The following SH2B1 variants were observed in gnomAD, a reference collection of about 807,000 sequenced individuals.
The protein encoded by SH2B1 is SH2B adaptor protein 1.
SH2B1 carries 15 observed loss-of-function variants against 62.6 expected under a neutral mutation model. That is an observed-to-expected ratio of 0.24 (90% confidence interval 0.16 to 0.37). The LOEUF (loss-of-function observed/expected upper bound fraction) is 0.37, where lower values mean the gene tolerates loss of function less well. Among genes scored for constraint, SH2B1 ranks in the 10% least tolerant of loss-of-function variants. SH2B1 has a pLI of 1.00. For missense variants in SH2B1, 925 were observed against 1,015.6 expected (o/e 0.91, Z 1.21); for synonymous variants, 443 against 438.0 (o/e 1.01, Z -0.14).
At chr16:28,847,751 C>T (rs967862679) in intron 1 of SH2B1, among the ~76,000 whole-genome samples, 20 of 149,926 alleles carry the variant, frequency 1.3e-4, no homozygotes, top group African/African-American at 4.9e-4. Context: ...CTCAGGAGTT[C>T]AAGGCTGTGG....
intron 2 of SH2B1, among the ~76,000 whole-genome samples, chr16:28,867,780 C>T (rs1218351241): frequency 1.3e-5 from 2 of 152,040 alleles, no homozygotes; most frequent in Non-Finnish European, 2.9e-5. Context: ...TGCCTCAGCC[C>T]TCTAAGGAGC....
rs1032934324 is a variant in SH2B1 at position 28,865,115 on chromosome 16, G to A, written c.-980G>A. On this transcript the variant is annotated 5_prime_UTR_variant, in exon 1 of 8. Transcript: ENST00000684370. ...GCCTTTAGGGCATACTCCCCAGTGGGAGAAGAGGAAGGTGAAAAATCCTAG... is the reference window on the plus strand; with the variant it reads ...GCCTTTAGGGCATACTCCCCAGTGGAAGAAGAGGAAGGTGAAAAATCCTAG... 6 of 985,492 alleles carry A rather than the reference G, an allele frequency of 6.1e-6. No homozygotes were observed. The highest frequency in any genetic ancestry group is 3.5e-5 in the African/African-American group (2 of 57,246). 61.0% of individuals were successfully genotyped at this position (985,492 alleles called of 1,614,324 possible). A position where few individuals can be genotyped will look rare whatever the true frequency, so the allele number is the denominator to read the frequency against.
intron 1 of SH2B1, among the ~76,000 whole-genome samples, chr16:28,852,319 T>C (rs1252694882): frequency 1.4e-5 from 1 of 70,018 alleles, no homozygotes; most frequent in Non-Finnish European, 2.5e-5. Flanking sequence ...TATATTTACA[T>C]ATATATATTT....
chr16:28,853,782 A>G (rs1225301890), intron 1 of SH2B1, among the ~76,000 whole-genome samples: 1 of 150,922 alleles, frequency 6.6e-6, no homozygotes, highest in Non-Finnish European at 1.5e-5. Context: ...GGCGGATCAC[A>G]AGGTCAGGAG....
intron 4 of SH2B1, among the ~76,000 whole-genome samples, chr16:28,869,859 C>T (rs1596628979): frequency 6.6e-6 from 1 of 152,236 alleles, no homozygotes; most frequent in African/African-American, 2.4e-5. Flanking sequence ...AGTCCCAACT[C>T]ATATTTCTAG....
chr16:28,873,912 C>T lies in SH2B1; in HGVS notation c.*92C>T, dbSNP rs910748231. 12 of 1,259,838 alleles carry T rather than the reference C, an allele frequency of 9.5e-6. No homozygotes were observed. The South Asian group carries it at 2.3e-4, about 24-fold the overall frequency. The allele number at this position is 1,259,838 out of a possible 1,614,324, so 78.0% of individuals were successfully genotyped here. ...GACAGAGGAGGCCGAAATCCCTCCC[C>T]CATGCTTCCTGACCCTTGTTGGCCA... On this transcript the variant is annotated 3_prime_UTR_variant, in exon 8 of 8. Transcript: ENST00000684370. This position sits in a 1 kb window ranked among gnomAD's most constrained non-coding sequence, Gnocchi z 4.2.
rs1312341227 is a variant in SH2B1 at position 28,852,773 on chromosome 16, T to TATATATATTTACATATATATTTAC, written c.-301+5965_-301+5988dup. On this transcript the variant is annotated intron_variant, in intron 1 of 10. Coordinates refer to the SH2B1 transcript ENST00000322610. ...ACATATATATGTATATATATATTTATATATATATTTACATATATATTTACA... is the reference window on the plus strand; with the variant it reads ...ACATATATATGTATATATATATTTATATATATATTTACATATATATTTACATATATATTTACATATATATTTACA... 9.2e-5 allele frequency among the ~76,000 whole-genome samples: 4 copies of TATATATATTTACATATATATTTAC among 43,634 alleles called. 1 individual carries two copies. The highest frequency in any genetic ancestry group is 1.7e-4 in the Non-Finnish European group (4 of 22,958). The allele number at this position is 43,634 out of a possible 152,430, so 28.6% of individuals were successfully genotyped here.
Position 28,873,404 on chromosome 16 carries a change from C to A in SH2B1, c.1898-43C>A, listed in dbSNP as rs1300470059. 6.3e-7 allele frequency: 1 copy of A among 1,579,914 alleles called. No homozygotes were observed. The highest frequency in any genetic ancestry group is 8.5e-7 in the Non-Finnish European group (1 of 1,172,978). ...AAGGGGAGGCCACGGCAGGAGCTCA[C>A]CTGCCTCCACAATCAGTCTGTTTTC... On this transcript the variant is annotated intron_variant, in intron 7 of 7. Coordinates refer to ENST00000684370, the MANE Select transcript of SH2B1 (RefSeq NM_001387430.1). The surrounding 1 kb of genome is among the most constrained non-coding windows in gnomAD (Gnocchi z 4.2).
Position 28,865,130 on chromosome 16 carries a change from A to G in SH2B1, c.-965A>G, listed in dbSNP as rs1241098750. 1 of 985,510 alleles carries G rather than the reference A, an allele frequency of 1.0e-6. No homozygotes were observed. The highest frequency in any genetic ancestry group is 6.1e-5 in the Admixed American group (1 of 16,266). The allele number at this position is 985,510 out of a possible 1,614,324, so 61.0% of individuals were successfully genotyped here. A position where few individuals can be genotyped will look rare whatever the true frequency, so the allele number is the denominator to read the frequency against. ...TCCCCAGTGGGAGAAGAGGAAGGTG[A>G]AAAATCCTAGGGCCCCAGCTCTCCC... On this transcript the variant is annotated 5_prime_UTR_variant, in exon 1 of 8. Coordinates refer to ENST00000684370, the MANE Select transcript of SH2B1 (RefSeq NM_001387430.1).
intron 4 of SH2B1, among the ~76,000 whole-genome samples, chr16:28,871,371 C>G (rs1460095041): frequency 6.6e-6 from 1 of 152,126 alleles, no homozygotes; most frequent in African/African-American, 2.4e-5. Context: ...CGGTGGCTCA[C>G]GCCTGTAATC....
rs775842754 is a variant in SH2B1, at chr16:28,872,311, C to G, written c.1635C>G (p.Gly545=). 1.9e-6 allele frequency: 3 copies of G among 1,613,770 alleles called. No homozygotes were observed. The South Asian group carries it at 3.3e-5, about 18-fold the overall frequency. The change falls in exon 6 of 8, where the codon GGC becomes GGG. Residue 545 remains glycine (G), a synonymous_variant. Coordinates refer to ENST00000684370, the MANE Select transcript of SH2B1 (RefSeq NM_001387430.1). This position sits in a 1 kb window ranked among gnomAD's most constrained non-coding sequence, Gnocchi z 5.3. ...CTGCACAGTTGGTGCTGACTGGCGG[C>G]ACTGGCTCCCACGGTGTCTTCCTGG... The part of the protein sequence containing the change: ...LKAAQLVLTG[G]TGSHGVFLVR...
Position 28,867,534 on chromosome 16 carries a change from G to A in SH2B1, c.1041+102G>A. 4.8e-6 allele frequency: 4 copies of A among 827,766 alleles called. No individual in the cohort carries two copies. In the South Asian group the frequency reaches 5.5e-5, roughly 11 times the overall value. The allele number at this position is 827,766 out of a possible 1,614,324, so 51.3% of individuals were successfully genotyped here. ...TCGCCGAAAGGAGGTATATATATGT[G>A]TCCAGTGCCTTGAGAGTGTGTCCCT... On this transcript the variant is annotated intron_variant, in intron 2 of 7. Transcript: ENST00000684370.
At position 28,868,186 on chromosome 16, in the gene SH2B1, C is replaced by T. The variant is rs375831216; in HGVS notation, c.1041+754C>T. ...ACAGAGTCTCGCTCTGTCGCCCAGGCTGGAGTGCAGTGGCGCGATCTCGAC... is the reference window on the plus strand; with the variant it reads ...ACAGAGTCTCGCTCTGTCGCCCAGGTTGGAGTGCAGTGGCGCGATCTCGAC... On this transcript the variant is annotated intron_variant, in intron 2 of 7. Transcript: ENST00000684370. Among the ~76,000 whole-genome samples the T allele has an allele frequency of 3.3e-5, 5 of 151,626 alleles. No individual in the cohort carries two copies. The South Asian group carries it at 1.0e-3, about 32-fold the overall frequency.
At chr16:28,856,500 G>T (rs1341511936) in intron 1 of SH2B1, among the ~76,000 whole-genome samples, 1 of 152,024 alleles carries the variant, frequency 6.6e-6, no homozygotes, top group African/African-American at 2.4e-5. Flanking sequence ...TACAAATTGG[G>T]GGTGGAGGTT....
Position 28,866,299 on chromosome 16 carries a change from G to T in SH2B1, c.205G>T (p.Ala69Ser). ...GAEAAFSRRF[A>S]ELFLQHFEAE... ...CGAGGCTGCCTTCTCCCGCCGTTTT[G>T]CTGAGCTCTTCCTGCAGCACTTTGA... is the stretch of plus-strand genomic sequence containing the variant. The change falls in exon 1 of 8, where the codon GCT becomes TCT. Residue 69 changes from alanine (A) to serine (S), a missense_variant. By Grantham distance (99) the Ala-to-Ser change is moderately conservative. Coordinates refer to ENST00000684370, the MANE Select transcript of SH2B1 (RefSeq NM_001387430.1). This position sits in a 1 kb window ranked among gnomAD's most constrained non-coding sequence, Gnocchi z 6.3. 6.2e-7 allele frequency: 1 copy of T among 1,610,884 alleles called. No individual in the cohort carries two copies. Among genetic ancestry groups the T allele is most frequent in the Non-Finnish European group, 8.5e-7 (1 of 1,179,236 alleles).
At chr16:28,850,716 A>G (rs778297277) in intron 1 of SH2B1, among the ~76,000 whole-genome samples, 1 of 151,848 alleles carries the variant, frequency 6.6e-6, no homozygotes, top group Non-Finnish European at 1.5e-5. Flanking sequence ...AAAATTAGCC[A>G]GGAGTGGTGG....
upstream of SH2B1, among the ~76,000 whole-genome samples, chr16:28,861,206 C>T (rs1962437765): frequency 6.6e-6 from 1 of 152,068 alleles, no homozygotes; most frequent in Admixed American, 6.5e-5. Context: ...GATTTTGGCT[C>T]ACCACAGCCT....
chr16:28,863,552 A>G, upstream of SH2B1: 1 of 866,590 alleles, frequency 1.2e-6, no homozygotes, highest in Admixed American at 2.7e-5. Context: ...CTGGGACTCT[A>G]TCCCCTAAGG....
At position 28,873,986 on chromosome 16, in the gene SH2B1, C is replaced by G; in HGVS notation, c.*166C>G. The stretch of plus-strand genomic sequence containing the variant: ...AGAGGCTCGGGAGAGGCTCCCGTCA[C>G]ACACTACAGGTCCCCTCCCCAGGGC... On this transcript the variant is annotated 3_prime_UTR_variant, in exon 8 of 8. Transcript: ENST00000684370. This position sits in a 1 kb window ranked among gnomAD's most constrained non-coding sequence, Gnocchi z 4.2. 1.6e-6 allele frequency: 1 copy of G among 606,498 alleles called. No individual in the cohort carries two copies. The allele number at this position is 606,498 out of a possible 1,614,324, so 37.6% of individuals were successfully genotyped here.
Sources: allele counts gnomAD v4.1 joint callset (sites outside exome capture counted in the v4.1 genomes callset), GRCh38; gene constraint gnomAD v4.1.1; non-coding constraint Gnocchi (gnomAD v3.1); transcripts MANE v1.5; gene names NCBI Gene and HGNC (gene_info 2026-07-23, HGNC 2026-07-21).